Variants in RAD51 observed in about 807,000 individuals in gnomAD.
RAD51 encodes the protein RAD51 recombinase, also known as DNA repair protein RAD51 homolog 1.
A neutral mutation model predicts 41.5 loss-of-function variants in RAD51; 14 were observed. The observed-to-expected ratio is 0.34, with a 90% CI of 0.22 to 0.53. RAD51 has a LOEUF of 0.53. Ranked by LOEUF, RAD51 falls within the 20% of genes least tolerant of loss-of-function variation. The pLI is 0.95. For synonymous variants in RAD51, 136 were observed against 148.6 expected (o/e 0.92, Z 0.62); for missense variants, 234 against 422.0 (o/e 0.55, Z 3.90).
Position 40,698,708 on chromosome 15 carries a change from G to T in RAD51, c.-2-49G>T. On this transcript the variant is annotated intron_variant, in intron 1 of 9. Coordinates refer to ENST00000267868, the MANE Select transcript of RAD51 (RefSeq NM_002875.5). ...CTAGATAGAAGATGGGGAGAGAGATGCACCTTATTTCTCTAGTGTTTATAC... is the reference window on the plus strand; with the variant it reads ...CTAGATAGAAGATGGGGAGAGAGATTCACCTTATTTCTCTAGTGTTTATAC... 7 of 1,519,694 alleles carry T rather than the reference G, an allele frequency of 4.6e-6. 1 individual carries two copies. The South Asian group carries it at 7.9e-5, about 17-fold the overall frequency. 94.1% of individuals were successfully genotyped at this position (1,519,694 alleles called of 1,614,324 possible).
chr15:40,703,619 T>C (rs1032250825), intron 3 of RAD51, among the ~76,000 whole-genome samples: 1 of 152,204 alleles, frequency 6.6e-6, no homozygotes, highest in Non-Finnish European at 1.5e-5. Context: ...ATAGAGATGC[T>C]CACAGGGTTT....
At chr15:40,718,770 A>G (rs564418116) in intron 5 of RAD51, 35 bp from the exon 6 acceptor site, 2 of 1,508,116 alleles carry the variant, frequency 1.3e-6, no homozygotes, top group Non-Finnish European at 1.8e-6. Flanking sequence ...CAGAAATACA[A>G]TGTTCATTTC....
At chr15:40,713,808 G>T (rs183450392) in intron 5 of RAD51, among the ~76,000 whole-genome samples, 1 of 151,188 alleles carries the variant, frequency 6.6e-6, no homozygotes, top group Non-Finnish European at 1.5e-5. Flanking sequence ...GGTTTTCACC[G>T]TATTAGCCAG....
chr15:40,710,266 AAAAAG>A (rs1460593565), intron 5 of RAD51, among the ~76,000 whole-genome samples: 22 of 127,310 alleles, frequency 1.7e-4, no homozygotes, highest in East Asian at 1.5e-3. Context: ...AAAAAAAAAA[AAAAAG>A]AAGAAGAAAA....
chr15:40,702,314 A>G (rs1895056054), intron 3 of RAD51, among the ~76,000 whole-genome samples: 1 of 152,154 alleles, frequency 6.6e-6, no homozygotes, highest in Admixed American at 6.5e-5. Flanking sequence ...TGAATGAACA[A>G]ATGCTGACAG....
At chr15:40,707,882 T>C (rs1225410308) in intron 4 of RAD51, among the ~76,000 whole-genome samples, 1 of 151,990 alleles carries the variant, frequency 6.6e-6, no homozygotes, top group Non-Finnish European at 1.5e-5. Context: ...CGTGCCTGGC[T>C]AATTTTTGTA....
chr15:40,712,429 T>G (rs989499733), intron 5 of RAD51, among the ~76,000 whole-genome samples: 2 of 152,036 alleles, frequency 1.3e-5, no homozygotes, highest in African/African-American at 2.4e-5. Context: ...GAAGTAAAAA[T>G]GGAATCTGGA....
At chr15:40,697,932 A>C (rs1156971720) in intron 1 of RAD51, among the ~76,000 whole-genome samples, 2 of 152,184 alleles carry the variant, frequency 1.3e-5, no homozygotes, top group Admixed American at 1.3e-4. Flanking sequence ...AGTTCACTTA[A>C]ACACTTGTCA....
At position 40,728,080 on chromosome 15, in the gene RAD51, C is replaced by T. The variant is rs45557531; in HGVS notation, c.531-631C>T. Among the ~76,000 whole-genome samples, 38 of 152,060 alleles carry T rather than the reference C, an allele frequency of 2.5e-4. 1 individual carries two copies. The highest frequency in any genetic ancestry group is 9.7e-4 in the East Asian group (5 of 5,134). ...TTGCCATGTTGACCAGGCTGGTCTC[C>T]GACTCCTGACATCAGGTGATCCACC... is the stretch of plus-strand genomic sequence containing the variant. On this transcript the variant is annotated intron_variant, in intron 6 of 9. Coordinates refer to ENST00000267868, the MANE Select transcript of RAD51 (RefSeq NM_002875.5).
At chr15:40,727,830 A>G (rs1229602408) in intron 6 of RAD51, among the ~76,000 whole-genome samples, 1 of 150,712 alleles carries the variant, frequency 6.6e-6, no homozygotes, top group Admixed American at 6.6e-5. Context: ...GAACATAATC[A>G]TAGCACACTG....
At position 40,700,517 on chromosome 15, in the gene RAD51, G is replaced by C. The variant is rs546337934; in HGVS notation, c.88-547G>C. ...AACACTGTCTTAAAGTGGTCTTGTA[G>C]GGCCCAAGGTCTCAGAGATCATTTA... On this transcript the variant is annotated intron_variant, in intron 2 of 9. Coordinates refer to ENST00000267868, the MANE Select transcript of RAD51 (RefSeq NM_002875.5). 6.7e-4 allele frequency among the ~76,000 whole-genome samples: 102 copies of C among 152,268 alleles called. 1 individual carries two copies. In the South Asian group the frequency reaches 0.015, roughly 22 times the overall value.
chr15:40,721,148 A>T (rs1383138391), intron 6 of RAD51, among the ~76,000 whole-genome samples: 7 of 152,188 alleles, frequency 4.6e-5, no homozygotes, highest in African/African-American at 1.4e-4. Context: ...GCGCCACTGC[A>T]CTCCAGCCTG....
chr15:40,705,898 A>C (rs183911441), intron 3 of RAD51, among the ~76,000 whole-genome samples: 18 of 152,160 alleles, frequency 1.2e-4, no homozygotes, highest in African/African-American at 4.3e-4. Flanking sequence ...GAGCCATCGC[A>C]CCCGGCCGGA....
chr15:40,725,994 A>T (rs1896560409), intron 6 of RAD51, among the ~76,000 whole-genome samples: 1 of 151,870 alleles, frequency 6.6e-6, no homozygotes, highest in Admixed American at 6.6e-5. Flanking sequence ...TCAAAAAAAC[A>T]AAACAACAAA....
chr15:40,701,557 C>T (rs935483912), intron 3 of RAD51, among the ~76,000 whole-genome samples: 2 of 151,494 alleles, frequency 1.3e-5, no homozygotes, highest in African/African-American at 4.8e-5. Context: ...TCTCGAACTC[C>T]TGAGCTCAGG....
chr15:40,730,132 A>G (rs1896792760), intron 9 of RAD51, among the ~76,000 whole-genome samples, 158 bp downstream of exon 9: 1 of 152,218 alleles, frequency 6.6e-6, no homozygotes, highest in African/African-American at 2.4e-5. Flanking sequence ...GTTGGTATAG[A>G]TGTTTTAGTT....
intron 5 of RAD51, among the ~76,000 whole-genome samples, chr15:40,709,997 C>G (rs952500795): frequency 2.0e-5 from 3 of 151,930 alleles, no homozygotes; most frequent in Non-Finnish European, 2.9e-5. Flanking sequence ...AATCCCAGCA[C>G]TTTGGGAGGC....
At chr15:40,723,574 AG>A (rs1896390026) in intron 6 of RAD51, among the ~76,000 whole-genome samples, 1 of 152,242 alleles carries the variant, frequency 6.6e-6, no homozygotes, top group Non-Finnish European at 1.5e-5. Context: ...TAAACACAAA[AG>A]ACCACACAAT....
chr15:40,718,755 T>C, intron 5 of RAD51, 50 bp from the exon 6 acceptor site: 1 of 1,457,722 alleles, frequency 6.9e-7, no homozygotes, highest in Non-Finnish European at 9.6e-7. Context: ...CTTGGTCAGC[T>C]GTATCAGAAA....
Sources: gnomAD v4.1 joint callset for allele counts (sites outside exome capture counted in the v4.1 genomes callset) on GRCh38, gnomAD v4.1.1 for gene constraint, MANE v1.5 for transcripts, NCBI Gene and HGNC (gene_info 2026-07-23, HGNC 2026-07-21) for gene names.